The following KCNMA1 variants were observed in gnomAD, a reference collection of about 807,000 sequenced individuals.
The protein encoded by KCNMA1 is Calcium-activated potassium channel subunit alpha-1.
KCNMA1 carries 29 observed loss-of-function variants against 140.0 expected under a neutral mutation model. That is an observed-to-expected ratio of 0.21 (90% CI 0.15 to 0.28). The LOEUF is 0.28. Ranked by LOEUF, KCNMA1 falls within the 10% of genes least tolerant of loss-of-function variation. KCNMA1 has a pLI of 1.00. For missense variants in KCNMA1, 880 were observed against 1,602.2 expected (o/e 0.55, Z 7.70); for synonymous variants, 612 against 611.9 (o/e 1.00, Z 0.00).
chr10:76,920,640 A>T (rs2055358513), intron 23 of KCNMA1, among the ~76,000 whole-genome samples: 2 of 152,132 alleles, frequency 1.3e-5, no homozygotes, highest in South Asian at 4.1e-4. Context: ...GTAGAAGAGG[A>T]AAATAAGATT....
chr10:77,259,087 A>G (rs2061426152), intron 2 of KCNMA1, among the ~76,000 whole-genome samples: 1 of 152,300 alleles, frequency 6.6e-6, no homozygotes, highest in East Asian at 1.9e-4. Context: ...TAAATTACCA[A>G]GCTAGCACTA....
At chr10:77,312,335 C>G (rs1181084801) in intron 2 of KCNMA1, among the ~76,000 whole-genome samples, 1 of 152,164 alleles carries the variant, frequency 6.6e-6, no homozygotes, top group Non-Finnish European at 1.5e-5. Context: ...ACAAAGAATT[C>G]CAGGAGATGG....
At chr10:76,907,274 A>G (rs1383605109) in intron 25 of KCNMA1, among the ~76,000 whole-genome samples, 1 of 152,228 alleles carries the variant, frequency 6.6e-6, no homozygotes. Flanking sequence ...GCTTGTTTAA[A>G]AATTTCAAAT....
In KCNMA1 at chr10:77,070,599, G is replaced by A. The variant is rs950446021; in HGVS notation, c.1749+2498C>T. Among the ~76,000 whole-genome samples, 7 of 152,208 alleles carry A rather than the reference G, an allele frequency of 4.6e-5. No individual in the cohort carries two copies. The South Asian group carries it at 1.0e-3, about 23-fold the overall frequency. ...CCATGGAAATATTGATGAATTCTCC[G>A]TCATAGGATACGGAGGTCATTGGAG... On this transcript the variant is annotated intron_variant, in intron 14 of 27. Coordinates refer to ENST00000286628, the MANE Select transcript of KCNMA1 (RefSeq NM_001161352.2).
intron 3 of KCNMA1, among the ~76,000 whole-genome samples, chr10:77,191,716 C>A (rs1296363985): frequency 6.6e-6 from 1 of 151,996 alleles, no homozygotes; most frequent in African/African-American, 2.4e-5. Context: ...TCAAAATGGG[C>A]CCCCCTTTTT....
chr10:76,930,831 T>C (rs1047100641), intron 23 of KCNMA1, among the ~76,000 whole-genome samples: 4 of 152,200 alleles, frequency 2.6e-5, no homozygotes, highest in Admixed American at 6.5e-5. Context: ...AGAAATTCTG[T>C]CATTCAACAA....
intron 1 of KCNMA1, among the ~76,000 whole-genome samples, chr10:77,566,068 A>G (rs2068190253): frequency 6.9e-6 from 1 of 145,830 alleles, no homozygotes; most frequent in African/African-American, 2.4e-5. Flanking sequence ...CTGCACAAAC[A>G]AGATCAGGCA....
At chr10:77,285,531 G>T (rs192131018) in intron 2 of KCNMA1, among the ~76,000 whole-genome samples, 9 of 152,298 alleles carry the variant, frequency 5.9e-5, no homozygotes, top group Admixed American at 5.2e-4. Context: ...GTTACATAGG[G>T]ATGGCATATG....
intron 14 of KCNMA1, among the ~76,000 whole-genome samples, chr10:77,055,055 T>TC (rs1358568993): frequency 2.0e-5 from 3 of 152,148 alleles, no homozygotes; most frequent in African/African-American, 7.2e-5. Context: ...GGCAATATTC[T>TC]CCCCATTCTG....
intron 2 of KCNMA1, among the ~76,000 whole-genome samples, chr10:77,261,748 G>A (rs908607734): frequency 5.3e-5 from 8 of 152,124 alleles, no homozygotes; most frequent in Admixed American, 2.6e-4. Flanking sequence ...CATTAAAACC[G>A]ATGCACTGGC....
chr10:76,929,502 C>T (rs1014978715), intron 23 of KCNMA1, among the ~76,000 whole-genome samples: 7 of 152,192 alleles, frequency 4.6e-5, no homozygotes, highest in Non-Finnish European at 8.8e-5. Flanking sequence ...CCATTATATG[C>T]TTTCCAAATC....
intron 23 of KCNMA1, among the ~76,000 whole-genome samples, chr10:76,940,753 G>A (rs2061710601): frequency 6.6e-6 from 1 of 151,908 alleles, no homozygotes; most frequent in African/African-American, 2.4e-5. Context: ...CTGAGGCCAG[G>A]AGTTTGAGAC....
intron 1 of KCNMA1, among the ~76,000 whole-genome samples, chr10:77,614,249 G>A (rs1318636665): frequency 1.3e-5 from 2 of 152,186 alleles, no homozygotes; most frequent in East Asian, 1.9e-4. Flanking sequence ...CTGAATGCTC[G>A]TTTGTTCATT....
chr10:77,255,944 AC>A, intron 2 of KCNMA1, among the ~76,000 whole-genome samples: 1 of 151,038 alleles, frequency 6.6e-6, no homozygotes, highest in South Asian at 2.1e-4. Context: ...TGTCCCTAAC[AC>A]CTGATGCAAA....
intron 1 of KCNMA1, chr10:77,636,401 A>G: frequency 6.5e-7 from 1 of 1,536,090 alleles, no homozygotes; most frequent in African/African-American, 1.4e-5. Context: ...AGCCGACGAC[A>G]TCTAGCCACC....
chr10:77,002,884 G>T (rs2086956241), intron 18 of KCNMA1, among the ~76,000 whole-genome samples: 1 of 152,136 alleles, frequency 6.6e-6, no homozygotes, highest in Non-Finnish European at 1.5e-5. Context: ...AACTGAGGAG[G>T]TGTTATTCCC....
At chr10:76,984,598 A>G (rs1592775069) in intron 19 of KCNMA1, among the ~76,000 whole-genome samples, 1 of 152,208 alleles carries the variant, frequency 6.6e-6, no homozygotes, top group Non-Finnish European at 1.5e-5. Flanking sequence ...GCCCCTCATT[A>G]TCCTGAGGTG....
At chr10:76,897,784 T>C (rs758886102) in intron 25 of KCNMA1, among the ~76,000 whole-genome samples, 3 of 151,974 alleles carry the variant, frequency 2.0e-5, no homozygotes, top group Non-Finnish European at 4.4e-5. Context: ...GCTATTAATA[T>C]AGTATTGCTA....
chr10:77,289,138 T>C (rs889465405), intron 2 of KCNMA1, among the ~76,000 whole-genome samples: 6 of 152,168 alleles, frequency 3.9e-5, no homozygotes, highest in African/African-American at 7.2e-5. Context: ...AAGTCTCCCA[T>C]TGGCTGTCAG....
Sources: allele counts gnomAD v4.1 joint callset (sites outside exome capture counted in the v4.1 genomes callset), GRCh38; gene constraint gnomAD v4.1.1; transcripts MANE v1.5; gene names NCBI Gene and HGNC (gene_info 2026-07-23, HGNC 2026-07-21).